R3HDM1: variants seen among roughly 807,000 people sequenced by gnomAD.
R3HDM1 encodes R3H domain containing 1.
R3HDM1 carries 46 observed loss-of-function variants against 141.1 expected under a neutral mutation model. The observed-to-expected ratio is 0.33, with a 90% CI of 0.26 to 0.42. R3HDM1 has a LOEUF of 0.42. Among genes scored for constraint, R3HDM1 ranks in the 10% least tolerant of loss-of-function variants. The pLI, the probability that R3HDM1 is intolerant of heterozygous loss-of-function variation, is 1.00. For synonymous variants in R3HDM1, 435 were observed against 472.9 expected (o/e 0.92, Z 1.04); for missense variants, 1,184 against 1,368.3 (o/e 0.87, Z 2.12).
intron 1 of R3HDM1, among the ~76,000 whole-genome samples, chr2:135,575,773 G>A (rs1705285005): frequency 6.6e-6 from 1 of 152,116 alleles, no homozygotes; most frequent in African/African-American, 2.4e-5. Context: ...CATAAAATTA[G>A]ATTTGAATAG....
At chr2:135,674,850 C>A (rs2068907257) in intron 19 of R3HDM1, among the ~76,000 whole-genome samples, 1 of 151,656 alleles carries the variant, frequency 6.6e-6, no homozygotes, top group East Asian at 1.9e-4. Flanking sequence ...GGGACAGTTT[C>A]ATGGGAATGG....
At chr2:135,688,320 C>A (rs1404304222) in intron 21 of R3HDM1, among the ~76,000 whole-genome samples, 1 of 152,102 alleles carries the variant, frequency 6.6e-6, no homozygotes, top group Non-Finnish European at 1.5e-5. Context: ...ACAGTACATC[C>A]AGAAAAAGAG....
intron 7 of R3HDM1, among the ~76,000 whole-genome samples, chr2:135,630,712 T>G (rs1033852139): frequency 2.0e-5 from 3 of 152,192 alleles, no homozygotes. Context: ...AGGGAATCAT[T>G]AACCTCTTGG....
chr2:135,566,051 C>G (rs1702721121), intron 1 of R3HDM1: 1 of 152,172 alleles, frequency 6.6e-6, no homozygotes, highest in Non-Finnish European at 1.5e-5. Flanking sequence ...CAAGCCCTGC[C>G]TCAGCTTCTC....
At chr2:135,609,181 C>T (rs1019815473) in intron 3 of R3HDM1, among the ~76,000 whole-genome samples, 4 of 152,144 alleles carry the variant, frequency 2.6e-5, no homozygotes, top group African/African-American at 9.7e-5. Context: ...TCTCAGAGAG[C>T]TCTTTGACCA....
intron 7 of R3HDM1, among the ~76,000 whole-genome samples, chr2:135,630,050 A>G (rs1379808236): frequency 6.6e-6 from 1 of 150,824 alleles, no homozygotes; most frequent in Non-Finnish European, 1.5e-5. Context: ...TTGAAAAAGG[A>G]TGATTTAAAA....
At chr2:135,592,595 G>T (rs549214224) in intron 1 of R3HDM1, among the ~76,000 whole-genome samples, 2 of 152,168 alleles carry the variant, frequency 1.3e-5, no homozygotes, top group South Asian at 2.1e-4. Context: ...TTACATGCCT[G>T]TTATCTTAAG....
At chr2:135,550,174 TC>T (rs1699564868) in intron 1 of R3HDM1, 2 of 984,812 alleles carry the variant, frequency 2.0e-6, no homozygotes, top group Middle Eastern at 5.2e-4. Flanking sequence ...TTTTACACAC[TC>T]CACAGCTTTT....
intron 15 of R3HDM1, among the ~76,000 whole-genome samples, chr2:135,643,410 G>T (rs1359320810): frequency 6.9e-6 from 1 of 144,238 alleles, no homozygotes. Flanking sequence ...GATATCATAA[G>T]TTTCCTCAAA....
Position 135,604,922 on chromosome 2 carries a change from C to G in R3HDM1, c.77C>G (p.Thr26Arg), listed in dbSNP as rs77660903. ...MKDLEAEVKD[T>R]TRVENLIKSE... is the part of the protein sequence containing the mutation. ...GATTTGGAGGCAGAAGTGAAAGATA[C>G]AACCAGAGTTGAAAATCTTATCAAA... The change falls in exon 3 of 27, where the codon ACA becomes AGA. Residue 26 changes from threonine (T) to arginine (R), a missense_variant. Physicochemically the swap from Thr to Arg is moderately conservative, Grantham distance 71. Transcript: ENST00000683871. 2 of 1,611,772 alleles carry G rather than the reference C, an allele frequency of 1.2e-6. No homozygotes were observed. The highest frequency in any genetic ancestry group is 2.2e-5 in the East Asian group (1 of 44,772).
chr2:135,650,753 C>T, intron 17 of R3HDM1: 3 of 982,214 alleles, frequency 3.1e-6, no homozygotes, highest in Non-Finnish European at 1.2e-6. Context: ...TCAGGCATCT[C>T]CTTTCAGTCC....
At chr2:135,669,653 T>TAC in intron 19 of R3HDM1, 1 of 859,494 alleles carries the variant, frequency 1.2e-6, no homozygotes, top group Non-Finnish European at 1.4e-6. Flanking sequence ...AGCTCTCAGC[T>TAC]ACACATTTGA....
At chr2:135,633,627 G>A (rs1156912429) in intron 9 of R3HDM1, 1 of 152,046 alleles carries the variant, frequency 6.6e-6, no homozygotes, top group African/African-American at 2.4e-5. Flanking sequence ...TATGAAGAAG[G>A]TTGTAAATCA....
chr2:135,691,274 A>G (rs564881738), intron 21 of R3HDM1, among the ~76,000 whole-genome samples: 1 of 152,194 alleles, frequency 6.6e-6, no homozygotes, highest in East Asian at 1.9e-4. Flanking sequence ...TTAGCAATCA[A>G]ATTTTTTAAC....
intron 1 of R3HDM1, among the ~76,000 whole-genome samples, chr2:135,587,826 T>C (rs956831637): frequency 6.6e-5 from 10 of 152,064 alleles, no homozygotes; most frequent in Non-Finnish European, 1.3e-4. Context: ...CCTCCCTCTC[T>C]TTTTCTGTTT....
intron 1 of R3HDM1, among the ~76,000 whole-genome samples, chr2:135,568,090 C>G (rs1420002392): frequency 6.6e-6 from 1 of 150,538 alleles, no homozygotes; most frequent in Non-Finnish European, 1.5e-5. Flanking sequence ...GGGTCTTACT[C>G]TGTCACCCAG....
chr2:135,615,037 G>A (rs2060891086), intron 3 of R3HDM1, among the ~76,000 whole-genome samples: 1 of 152,056 alleles, frequency 6.6e-6, no homozygotes, highest in Non-Finnish European at 1.5e-5. Flanking sequence ...ATTTTCTTCT[G>A]TATAAGAAAC....
chr2:135,553,681 GTTTTTTGT>G (rs761579721), intron 1 of R3HDM1, among the ~76,000 whole-genome samples: 18 of 152,040 alleles, frequency 1.2e-4, no homozygotes, highest in Non-Finnish European at 2.1e-4. Flanking sequence ...TTTTGTATGT[GTTTTTTGT>G]TTGTTTGTTT....
At chr2:135,712,640 G>A (rs527308868) in intron 23 of R3HDM1, among the ~76,000 whole-genome samples, 3 of 151,968 alleles carry the variant, frequency 2.0e-5, no homozygotes, top group African/African-American at 4.8e-5. Context: ...CAGCACTTCC[G>A]GCCGGGCACG....
Sources: allele counts gnomAD v4.1 joint callset (sites outside exome capture counted in the v4.1 genomes callset), GRCh38; gene constraint gnomAD v4.1.1; transcripts MANE v1.5; gene names NCBI Gene and HGNC (gene_info 2026-07-23, HGNC 2026-07-21).